TM7SF3: variants seen among roughly 807,000 people sequenced by gnomAD.
TM7SF3 encodes transmembrane 7 superfamily member 3.
Under a neutral mutation model 65.5 loss-of-function variants are expected in TM7SF3, and 60 were observed. That is an observed-to-expected ratio of 0.92 (90% CI 0.74 to 1.14). The LOEUF is 1.14. TM7SF3 is among the 50% of genes most tolerant of loss of function. The pLI is 0.00. For synonymous variants in TM7SF3, 264 were observed against 259.6 expected (o/e 1.02, Z -0.16); for missense variants, 623 against 684.8 (o/e 0.91, Z 1.01).
intron 1 of TM7SF3, among the ~76,000 whole-genome samples, chr12:27,006,675 A>T (rs1941049885): frequency 1.3e-5 from 2 of 152,254 alleles, no homozygotes; most frequent in African/African-American, 4.8e-5. Context: ...TTTAGGGCTT[A>T]GGCAGATATA....
At chr12:26,985,644 AAAAAAAAAATATATATAT>A (rs1233679876) in intron 6 of TM7SF3, among the ~76,000 whole-genome samples, 7 of 44,682 alleles carry the variant, frequency 1.6e-4, no homozygotes, top group Non-Finnish European at 2.1e-4. Context: ...AAAAAAAAAA[AAAAAAAAAATATATATAT>A]ATATATATAT....
At chr12:26,993,354 T>A (rs1229478009) in intron 5 of TM7SF3, among the ~76,000 whole-genome samples, 1 of 152,248 alleles carries the variant, frequency 6.6e-6, no homozygotes, top group Non-Finnish European at 1.5e-5. Flanking sequence ...GTGAAGTCAG[T>A]ATTCTCATAA....
rs373434607 is a variant in TM7SF3 at position 26,974,041 on chromosome 12, T to C, written c.1637A>G (p.Tyr546Cys). 35 of 1,614,078 alleles carry C rather than the reference T, an allele frequency of 2.2e-5. 2 individuals carry two copies. The South Asian group carries it at 3.2e-4, about 15-fold the overall frequency. ...CCCTTTAATCTGGGTTAATCGGCCA[T>C]AGAGCCTCTCTCTCAATGGAGGAAT... ...YHIPPLRERL[Y>C]GRLTQIKGLF... Residue 546 changes from tyrosine (Y) to cysteine (C), a missense_variant, in exon 12 of 12, where the codon TAT (tyrosine) becomes TGT (cysteine). Coordinates refer to ENST00000343028, the MANE Select transcript of TM7SF3 (RefSeq NM_016551.3).
intron 2 of TM7SF3, among the ~76,000 whole-genome samples, chr12:27,000,385 C>T (rs532066050): frequency 6.6e-6 from 1 of 152,178 alleles, no homozygotes; most frequent in African/African-American, 2.4e-5. Context: ...TGAGACCTGG[C>T]CCCAAGGAGT....
chr12:26,979,493 C>T, intron 9 of TM7SF3: 1 of 323,042 alleles, frequency 3.1e-6, no homozygotes, highest in Non-Finnish European at 5.8e-6. Flanking sequence ...GAGCCTTTAC[C>T]TCCTTATTTC....
intron 11 of TM7SF3, among the ~76,000 whole-genome samples, chr12:26,974,808 A>G (rs974998690): frequency 3.3e-5 from 5 of 152,218 alleles, no homozygotes; most frequent in African/African-American, 1.2e-4. Flanking sequence ...CTCTACCATC[A>G]ACCTCTTATC....
chr12:26,985,640 AAAAAAAAAAAAAATAT>A (rs1197598475), intron 6 of TM7SF3, among the ~76,000 whole-genome samples: 114 of 58,206 alleles, frequency 2.0e-3, no homozygotes, highest in South Asian at 3.3e-3. Context: ...AAAAAAAAAA[AAAAAAAAAAAAAATAT>A]ATATATATAT....
intron 2 of TM7SF3, among the ~76,000 whole-genome samples, chr12:26,999,979 T>C (rs1433788091): frequency 6.6e-6 from 1 of 152,246 alleles, no homozygotes; most frequent in Non-Finnish European, 1.5e-5. Flanking sequence ...TGGTGGTTCA[T>C]GATAGCGGTG....
chr12:26,980,082 A>G, intron 8 of TM7SF3, 146 bp from the exon 9 acceptor site: 1 of 921,090 alleles, frequency 1.1e-6, no homozygotes, highest in Non-Finnish European at 1.6e-6. Flanking sequence ...TGAAGCCAGC[A>G]TAGAGCAACC....
rs1187378394 is a variant in TM7SF3 at position 26,990,447 on chromosome 12, C to T, written c.868+3G>A. 2 of 1,610,974 alleles carry T rather than the reference C, an allele frequency of 1.2e-6. No homozygotes were observed. The highest frequency in any genetic ancestry group is 4.5e-5 in the East Asian group (2 of 44,854). On this transcript the variant is annotated splice_donor_region_variant and intron_variant, in intron 6 of 11. Transcript: ENST00000343028. ...TTGTAAAAGTTTAAAGCCACATACT[C>T]ACCTAGGGAAGCACAACTACCCTCT...
In TM7SF3 at chr12:26,972,328, CTA is replaced by C. The variant is rs750708254; in HGVS notation, c.*1635_*1636del. 8 of 152,120 alleles carry C rather than the reference CTA, an allele frequency of 5.3e-5. No homozygotes were observed. The highest frequency in any genetic ancestry group is 1.0e-4 in the Non-Finnish European group (7 of 68,022). The allele number at this position is 152,120 out of a possible 1,614,324, so 9.4% of individuals were successfully genotyped here. A position where few individuals can be genotyped will look rare whatever the true frequency, so the allele number is the denominator to read the frequency against. On this transcript the variant is annotated 3_prime_UTR_variant, in exon 12 of 12. Coordinates refer to ENST00000343028, the MANE Select transcript of TM7SF3 (RefSeq NM_016551.3). ...GGCTTTGTACAGAAATTATTAAAAA[CTA>C]TATTTTACACTAATGCTAACAGCTA...
At chr12:27,007,257 T>G (rs999800849) in intron 1 of TM7SF3, among the ~76,000 whole-genome samples, 1 of 152,196 alleles carries the variant, frequency 6.6e-6, no homozygotes, top group Admixed American at 6.5e-5. Context: ...ATCATCTTCC[T>G]TTCCTCAAAT....
chr12:27,006,386 C>CTGGG (rs1941038618), intron 1 of TM7SF3, among the ~76,000 whole-genome samples: 1 of 152,076 alleles, frequency 6.6e-6, no homozygotes, highest in African/African-American at 2.4e-5. Context: ...ATCCGCCCAC[C>CTGGG]TGGGCCTCCC....
intron 5 of TM7SF3, among the ~76,000 whole-genome samples, chr12:26,993,749 C>G (rs982799982): frequency 6.6e-6 from 1 of 152,198 alleles, no homozygotes; most frequent in Non-Finnish European, 1.5e-5. Context: ...TCTATTATTT[C>G]TTCTACATAT....
chr12:27,014,019 A>G, intron 1 of TM7SF3, 59 bp downstream of exon 1: 1 of 1,433,242 alleles, frequency 7.0e-7, no homozygotes, highest in Non-Finnish European at 9.6e-7. Flanking sequence ...GCGGATTTTG[A>G]CCTCGCAAGA....
At chr12:27,000,429 A>G (rs1370675066) in intron 2 of TM7SF3, among the ~76,000 whole-genome samples, 2 of 152,188 alleles carry the variant, frequency 1.3e-5, no homozygotes, top group Non-Finnish European at 2.9e-5. Context: ...ATTGTGTTAT[A>G]ACTGACAAAC....
chr12:26,985,778 A>G (rs1467315297), intron 6 of TM7SF3, among the ~76,000 whole-genome samples: 2 of 134,026 alleles, frequency 1.5e-5, no homozygotes, highest in Non-Finnish European at 3.1e-5. Context: ...GGTGACAAAG[A>G]GCCTTTGCTT....
chr12:26,982,472 C>G (rs144965013), intron 7 of TM7SF3, among the ~76,000 whole-genome samples: 6 of 152,192 alleles, frequency 3.9e-5, no homozygotes, highest in Admixed American at 3.9e-4. Context: ...CCACTGAGCC[C>G]GGCCCTGACA....
intron 9 of TM7SF3, chr12:26,978,513 C>T (rs1390344824): frequency 1.3e-5 from 2 of 152,288 alleles, no homozygotes; most frequent in African/African-American, 2.4e-5. Context: ...AACCTATCAT[C>T]CCTCCATCCT....
Sources: gnomAD v4.1 joint callset for allele counts (sites outside exome capture counted in the v4.1 genomes callset) on GRCh38, gnomAD v4.1.1 for gene constraint, MANE v1.5 for transcripts, NCBI Gene and HGNC (gene_info 2026-07-23, HGNC 2026-07-21) for gene names.